TPTE: variants seen among roughly 807,000 people sequenced by gnomAD.
TPTE encodes transmembrane phosphatase with tensin homology.
TPTE carries 59 observed loss-of-function variants against 84.1 expected under a neutral mutation model. That is an observed-to-expected ratio of 0.70 (90% CI 0.57 to 0.87). The LOEUF (loss-of-function observed/expected upper bound fraction) is 0.87. TPTE is among the 40% of genes least tolerant of loss of function. TPTE has a pLI of 0.00. For synonymous variants in TPTE, 130 were observed against 223.5 expected, an observed-to-expected ratio of 0.58 and a Z score of 3.73; for missense variants, 382 against 659.6, an observed-to-expected ratio of 0.58 and a Z score of 4.61.
intron 8 of TPTE, among the ~76,000 whole-genome samples, chr21:10,553,154 C>T (rs1039780107): frequency 6.6e-6 from 1 of 152,312 alleles, no homozygotes; most frequent in African/African-American, 2.4e-5. Flanking sequence ...TCTTTATGCT[C>T]ATTGGGATTT....
rs551496830 is a variant in TPTE, at chr21:10,538,677, C to G, written c.-43-4C>G. On this transcript the variant is annotated splice_region_variant and splice_polypyrimidine_tract_variant and intron_variant, in intron 3 of 23. Transcript: ENST00000618007. ...TCTGACTATATTCTTTTGACATCCT[C>G]TAGTCCACCCACAAATGAATTATCA... The G allele has an allele frequency of 6.2e-7, 1 of 1,614,042 alleles. No individual in the cohort carries two copies. The highest frequency in any genetic ancestry group is 8.5e-7 in the Non-Finnish European group (1 of 1,179,862).
intron 7 of TPTE, among the ~76,000 whole-genome samples, chr21:10,546,860 CACATA>C (rs1170772932): frequency 1.3e-5 from 2 of 152,310 alleles, no homozygotes; most frequent in Non-Finnish European, 2.9e-5. Context: ...CCATCTCCAT[CACATA>C]AAAGTGCAAG....
chr21:10,554,056 T>C (rs1481399293), intron 8 of TPTE, among the ~76,000 whole-genome samples: 2 of 152,306 alleles, frequency 1.3e-5, no homozygotes, highest in African/African-American at 4.8e-5. Context: ...TCTAAGTTCT[T>C]TAAGCATATA....
chr21:10,541,911 G>T (rs533848143), intron 5 of TPTE, among the ~76,000 whole-genome samples: 1 of 152,306 alleles, frequency 6.6e-6, no homozygotes, highest in East Asian at 1.9e-4. Context: ...CACCACAGAG[G>T]CTGGTGCTCC....
intron 7 of TPTE, among the ~76,000 whole-genome samples, chr21:10,549,552 G>GA (rs2074533415): frequency 6.6e-6 from 1 of 152,278 alleles, no homozygotes. Flanking sequence ...TGGATGAAAT[G>GA]AAAAAATACA....
intron 11 of TPTE, among the ~76,000 whole-genome samples, chr21:10,568,568 T>C (rs1169656327): frequency 6.6e-6 from 1 of 152,306 alleles, no homozygotes; most frequent in Admixed American, 6.5e-5. Context: ...AGCTGATTTC[T>C]TTTTGTACCC....
chr21:10,567,263 A>T (rs2074941280), intron 10 of TPTE, among the ~76,000 whole-genome samples: 1 of 152,312 alleles, frequency 6.6e-6, no homozygotes, highest in Admixed American at 6.5e-5. Flanking sequence ...TTGATAGCAC[A>T]ACAGATTGAC....
intron 21 of TPTE, among the ~76,000 whole-genome samples, chr21:10,600,803 T>C (rs1978388174): frequency 6.6e-6 from 1 of 152,312 alleles, no homozygotes; most frequent in Non-Finnish European, 1.5e-5. Context: ...AAAGAACTAG[T>C]ACAGCGTCAA....
chr21:10,543,951 A>G (rs1298852361), intron 7 of TPTE, among the ~76,000 whole-genome samples: 8 of 152,302 alleles, frequency 5.3e-5, no homozygotes, highest in Admixed American at 5.2e-4. Context: ...GTTGGTGCCT[A>G]GACCCAGCCC....
At chr21:10,538,929 A>G (rs1265675269) in intron 4 of TPTE, among the ~76,000 whole-genome samples, 195 bp downstream of exon 4, 9 of 152,290 alleles carry the variant, frequency 5.9e-5, no homozygotes, top group African/African-American at 2.2e-4. Flanking sequence ...ACGGCCGGAC[A>G]TTTGTGGAGT....
chr21:10,552,578 A>T (rs1205796798), intron 7 of TPTE, 79 bp from the exon 8 acceptor site: 1 of 1,597,996 alleles, frequency 6.3e-7, no homozygotes. Flanking sequence ...GATTCTTGCT[A>T]TTCAAATATA....
At chr21:10,545,434 C>T (rs1348022053) in intron 7 of TPTE, among the ~76,000 whole-genome samples, 1 of 152,302 alleles carries the variant, frequency 6.6e-6, no homozygotes, top group Non-Finnish European at 1.5e-5. Context: ...AGCAAATGTA[C>T]ATAATTTCAA....
At chr21:10,591,633 C>A (rs1211497619) in intron 18 of TPTE, among the ~76,000 whole-genome samples, 1 of 152,306 alleles carries the variant, frequency 6.6e-6, no homozygotes. Flanking sequence ...TGATCCAGAG[C>A]CCTAGACTGA....
intron 7 of TPTE, among the ~76,000 whole-genome samples, chr21:10,551,199 C>T (rs915941739): frequency 3.9e-5 from 6 of 152,006 alleles, no homozygotes; most frequent in Non-Finnish European, 5.9e-5. Flanking sequence ...AAACACCAAA[C>T]ATCACATGTT....
At chr21:10,526,567 TCTTAAA>T (rs542975126) in intron 2 of TPTE, among the ~76,000 whole-genome samples, 174 of 152,342 alleles carry the variant, frequency 1.1e-3, no homozygotes, top group African/African-American at 3.7e-3. Context: ...GTGATCAGTT[TCTTAAA>T]CTTATTTAAA....
intron 10 of TPTE, among the ~76,000 whole-genome samples, chr21:10,562,892 C>T (rs949058794): frequency 1.6e-4 from 25 of 152,292 alleles, no homozygotes; most frequent in African/African-American, 5.3e-4. Flanking sequence ...TATCAATATC[C>T]AAGTACAAGA....
intron 17 of TPTE, among the ~76,000 whole-genome samples, chr21:10,582,222 G>T (rs1322170374): frequency 2.6e-5 from 4 of 152,304 alleles, no homozygotes; most frequent in Non-Finnish European, 1.5e-5. Context: ...GAAGTTGGGG[G>T]AAGTGTTTTT....
intron 5 of TPTE, among the ~76,000 whole-genome samples, chr21:10,541,993 G>T (rs2074378198): frequency 6.6e-6 from 1 of 152,308 alleles, no homozygotes; most frequent in East Asian, 1.9e-4. Flanking sequence ...CTTTTTGTGG[G>T]ACATGAGAAA....
At chr21:10,561,941 T>A (rs1404534020) in intron 10 of TPTE, among the ~76,000 whole-genome samples, 1 of 152,308 alleles carries the variant, frequency 6.6e-6, no homozygotes, top group Non-Finnish European at 1.5e-5. Flanking sequence ...GACCCCGTGC[T>A]GTGCTGGCCT....
Sources: gnomAD v4.1 joint callset for allele counts (sites outside exome capture counted in the v4.1 genomes callset) on GRCh38, gnomAD v4.1.1 for gene constraint, MANE v1.5 for transcripts, NCBI Gene and HGNC (gene_info 2026-07-23, HGNC 2026-07-21) for gene names.